Variants in FNIP1 observed in about 807,000 individuals in gnomAD.
The protein encoded by FNIP1 is folliculin interacting protein 1.
In FNIP1, 40 loss-of-function variants were observed where a neutral mutation model predicts 124.5. The observed-to-expected ratio is 0.32, with a 90% CI of 0.25 to 0.42. The LOEUF is 0.42. Among genes scored for constraint, FNIP1 ranks in the 10% least tolerant of loss-of-function variants. The pLI is 1.00. For missense variants in FNIP1, 1,176 were observed against 1,403.7 expected (o/e 0.84, Z 2.59); for synonymous variants, 472 against 470.6 (o/e 1.00, Z -0.04).
At chr5:131,712,530 G>A (rs761757084) in intron 6 of FNIP1, among the ~76,000 whole-genome samples, 9 of 152,088 alleles carry the variant, frequency 5.9e-5, no homozygotes, top group African/African-American at 1.4e-4. Context: ...GAATACAGAC[G>A]CAGATATGAG....
At chr5:131,782,955 G>A (rs937946115) in intron 1 of FNIP1, among the ~76,000 whole-genome samples, 11 of 152,188 alleles carry the variant, frequency 7.2e-5, no homozygotes, top group Admixed American at 2.0e-4. Flanking sequence ...GAGCCACCGC[G>A]CCTGGTCCGT....
intron 1 of FNIP1, among the ~76,000 whole-genome samples, chr5:131,745,729 G>A (rs1770655842): frequency 6.6e-6 from 1 of 152,004 alleles, no homozygotes; most frequent in East Asian, 1.9e-4. Flanking sequence ...TTCAGCTATA[G>A]GCAAAAATGG....
chr5:131,777,012 G>A (rs1443012088), intron 1 of FNIP1, among the ~76,000 whole-genome samples: 1 of 152,052 alleles, frequency 6.6e-6, no homozygotes, highest in Non-Finnish European at 1.5e-5. Flanking sequence ...TGGGAGGATC[G>A]CTTGAGCTGA....
At chr5:131,671,054 A>T (rs943877689) in intron 14 of FNIP1, among the ~76,000 whole-genome samples, 7 of 152,200 alleles carry the variant, frequency 4.6e-5, no homozygotes, top group South Asian at 2.1e-4. Flanking sequence ...CACAAGTCCA[A>T]AGCTAGGTAT....
intron 1 of FNIP1, among the ~76,000 whole-genome samples, chr5:131,765,833 C>T (rs1771402552): frequency 6.6e-6 from 1 of 152,164 alleles, no homozygotes; most frequent in South Asian, 2.1e-4. Context: ...ATTAACAGCC[C>T]TATAAAACCT....
chr5:131,655,886 C>T (rs1217715216), intron 15 of FNIP1, among the ~76,000 whole-genome samples: 1 of 151,906 alleles, frequency 6.6e-6, no homozygotes, highest in Non-Finnish European at 1.5e-5. Flanking sequence ...TCACTGCACT[C>T]CAGCCTGGGT....
At chr5:131,767,402 C>CTGGTGACA (rs1358390791) in intron 1 of FNIP1, among the ~76,000 whole-genome samples, 6 of 134,184 alleles carry the variant, frequency 4.5e-5, no homozygotes, top group African/African-American at 1.8e-4. Context: ...GCACTCTAGC[C>CTGGTGACA]TGGTGACAGA....
At chr5:131,656,971 A>G (rs914926797) in intron 15 of FNIP1, among the ~76,000 whole-genome samples, 1 of 152,020 alleles carries the variant, frequency 6.6e-6, no homozygotes, top group Non-Finnish European at 1.5e-5. Flanking sequence ...GTAGAACAAG[A>G]AAGCCTGAAA....
chr5:131,700,855 C>G (rs911663446), intron 10 of FNIP1, among the ~76,000 whole-genome samples: 1 of 152,104 alleles, frequency 6.6e-6, no homozygotes, highest in African/African-American at 2.4e-5. Context: ...TACTATAGAA[C>G]TTTAAAAATT....
At chr5:131,662,567 A>G (rs556985285) in intron 15 of FNIP1, among the ~76,000 whole-genome samples, 350 of 152,190 alleles carry the variant, frequency 2.3e-3, no homozygotes, top group Non-Finnish European at 4.1e-3. Context: ...GCCCTCCCAC[A>G]GTGGTGGGTG....
rs75997119 is a variant in FNIP1, at chr5:131,714,292, T to C, written c.622+2273A>G. On this transcript the variant is annotated intron_variant, in intron 6 of 17. Coordinates refer to ENST00000510461, the MANE Select transcript of FNIP1 (RefSeq NM_133372.3). The stretch of plus-strand genomic sequence containing the variant: ...CAACATTCTACCCCTCTCTCCTTCA[T>C]TCATGGTCAGACTTACATCACAATT... Among the ~76,000 whole-genome samples the C allele has an allele frequency of 4.7e-3, 712 of 152,306 alleles. 8 individuals are homozygous for C. The highest frequency in any genetic ancestry group is 0.016 in the African/African-American group (676 of 41,576).
chr5:131,716,519 C>G (rs1232907274), intron 6 of FNIP1, 46 bp downstream of exon 6: 2 of 1,285,288 alleles, frequency 1.6e-6, no homozygotes, highest in South Asian at 1.3e-5. Context: ...ACACTTGTTA[C>G]CCTGCTAGTA....
At chr5:131,666,057 T>A (rs966506900) in intron 15 of FNIP1, among the ~76,000 whole-genome samples, 35 of 151,622 alleles carry the variant, frequency 2.3e-4, no homozygotes, top group African/African-American at 8.5e-4. Flanking sequence ...CTGGCTAAAT[T>A]TTTGTATTTT....
chr5:131,734,083 T>G (rs1457560951), intron 2 of FNIP1, among the ~76,000 whole-genome samples: 2 of 152,218 alleles, frequency 1.3e-5, no homozygotes, highest in East Asian at 3.8e-4. Flanking sequence ...GAGGAATTTA[T>G]CCATTTCTTC....
chr5:131,759,530 T>C (rs1047493131), intron 1 of FNIP1, among the ~76,000 whole-genome samples: 3 of 151,926 alleles, frequency 2.0e-5, no homozygotes, highest in African/African-American at 7.3e-5. Context: ...TAGAGACAAA[T>C]CAAAACCACA....
At chr5:131,711,325 A>C (rs1396896395) in intron 6 of FNIP1, among the ~76,000 whole-genome samples, 1 of 152,242 alleles carries the variant, frequency 6.6e-6, no homozygotes, top group African/African-American at 2.4e-5. Context: ...ATGCTTCATC[A>C]AGAAAAGGTA....
rs181510352 is a variant in FNIP1, at chr5:131,641,962, G to A, written c.*2723C>T. ...TTGGAACAAAACAAAATCTGTACTAGTATGTTTTTATTGCACTTAACATTT... is the reference window on the plus strand; with the variant it reads ...TTGGAACAAAACAAAATCTGTACTAATATGTTTTTATTGCACTTAACATTT... On this transcript the variant is annotated 3_prime_UTR_variant, in exon 18 of 18. Transcript: ENST00000510461. 2.4e-4 allele frequency: 36 copies of A among 152,676 alleles called. No homozygotes were observed. The highest frequency in any genetic ancestry group is 8.2e-4 in the African/African-American group (34 of 41,492). 9.5% of individuals were successfully genotyped at this position (152,676 alleles called of 1,614,324 possible). A position where few individuals can be genotyped will look rare whatever the true frequency, so the allele number is the denominator to read the frequency against.
At chr5:131,781,246 C>T (rs1333497249) in intron 1 of FNIP1, among the ~76,000 whole-genome samples, 1 of 152,206 alleles carries the variant, frequency 6.6e-6, no homozygotes, top group African/African-American at 2.4e-5. Context: ...AAGCCATCTC[C>T]ATTAACATAA....
intron 13 of FNIP1, among the ~76,000 whole-genome samples, chr5:131,675,632 T>C (rs1184138611): frequency 6.6e-6 from 1 of 152,120 alleles, no homozygotes; most frequent in Non-Finnish European, 1.5e-5. Flanking sequence ...CATGATTCCA[T>C]TCATATAAAA....
Sources: allele counts gnomAD v4.1 joint callset (sites outside exome capture counted in the v4.1 genomes callset), GRCh38; gene constraint gnomAD v4.1.1; transcripts MANE v1.5; gene names NCBI Gene and HGNC (gene_info 2026-07-23, HGNC 2026-07-21).